TAMM41: variants seen among roughly 807,000 people sequenced by gnomAD.
TAMM41 encodes TAM41 mitochondrial translocator assembly and maintenance homolog.
TAMM41 carries 36 observed loss-of-function variants against 44.1 expected under a neutral mutation model. The ratio of observed to expected loss-of-function variants is 0.82; its 90% CI spans 0.63 to 1.08. TAMM41 has a LOEUF of 1.08. Among genes scored for constraint, TAMM41 ranks in the 50% least tolerant of loss-of-function variants. TAMM41 has a pLI of 0.00. For synonymous variants in TAMM41, 164 were observed against 153.1 expected (o/e 1.07, Z -0.53); for missense variants, 417 against 404.3 (o/e 1.03, Z -0.27).
chr3:11,754,685 C>T, the TAMM41 span, among the ~76,000 whole-genome samples: 1 of 149,592 alleles, frequency 6.7e-6, no homozygotes, highest in African/African-American at 2.5e-5. Flanking sequence ...CTCTTTTTAA[C>T]CTCTGAAACA....
chr3:11,798,436 G>A (rs562645157), intron 7 of TAMM41, among the ~76,000 whole-genome samples: 17 of 152,258 alleles, frequency 1.1e-4, no homozygotes, highest in African/African-American at 3.9e-4. Context: ...TTACAAGTAG[G>A]AGTTAAATGA....
chr3:11,752,156 C>T, the TAMM41 span, among the ~76,000 whole-genome samples: 1 of 152,068 alleles, frequency 6.6e-6, no homozygotes, highest in Non-Finnish European at 1.5e-5. Flanking sequence ...TGTTACAGCT[C>T]CTAAAGGTGG....
At chr3:11,809,747 C>T (rs1247340928) in intron 5 of TAMM41, 65 bp from the exon 6 acceptor site, 5 of 1,506,148 alleles carry the variant, frequency 3.3e-6, no homozygotes, top group Non-Finnish European at 4.5e-6. Flanking sequence ...TACTCCAAAA[C>T]TCAGGGCTTC....
intron 7 of TAMM41, among the ~76,000 whole-genome samples, chr3:11,802,605 C>A (rs1362153410): frequency 6.6e-6 from 1 of 152,172 alleles, no homozygotes; most frequent in Non-Finnish European, 1.5e-5. Context: ...GGAGTCACAG[C>A]TGAACTCTAC....
chr3:11,789,947 C>T (rs1439652742), downstream of TAMM41, among the ~76,000 whole-genome samples: 1 of 152,174 alleles, frequency 6.6e-6, no homozygotes, highest in East Asian at 1.9e-4. Flanking sequence ...CAAACACGTC[C>T]TAACTGTTAC....
chr3:11,794,694 C>T (rs1042025194), intron 7 of TAMM41, among the ~76,000 whole-genome samples: 1 of 152,146 alleles, frequency 6.6e-6, no homozygotes, highest in Non-Finnish European at 1.5e-5. Flanking sequence ...ACATGACCTA[C>T]AGCGAAGTTA....
the TAMM41 span, among the ~76,000 whole-genome samples, chr3:11,761,629 G>A: frequency 1.8e-4 from 28 of 152,168 alleles, no homozygotes; most frequent in African/African-American, 6.7e-4. Context: ...ATCTGTGCAC[G>A]TGCATGTGCG....
chr3:11,786,367 C>G (rs1034264047), downstream of TAMM41, among the ~76,000 whole-genome samples: 2 of 150,762 alleles, frequency 1.3e-5, no homozygotes, highest in Non-Finnish European at 2.9e-5. Context: ...TACAGTGGCA[C>G]GATCTTGGCT....
At chr3:11,771,247 T>G in the TAMM41 span, 9 of 152,180 alleles carry the variant, frequency 5.9e-5, no homozygotes, top group African/African-American at 2.2e-4. Context: ...GCTCACCTGG[T>G]GAGTCACCCT....
At chr3:11,755,591 G>A in the TAMM41 span, among the ~76,000 whole-genome samples, 1 of 152,076 alleles carries the variant, frequency 6.6e-6, no homozygotes, top group African/African-American at 2.4e-5. Flanking sequence ...ATTGTCGGGC[G>A]GGGATGTCCA....
chr3:11,734,132 C>T, the TAMM41 span, among the ~76,000 whole-genome samples: 73 of 152,326 alleles, frequency 4.8e-4, no homozygotes, highest in African/African-American at 1.6e-3. Flanking sequence ...ATCACCGGCT[C>T]TGTGCAAAGA....
chr3:11,826,530 C>CAAAA (rs11388352), intron 4 of TAMM41, among the ~76,000 whole-genome samples: 38 of 62,118 alleles, frequency 6.1e-4, no homozygotes, highest in African/African-American at 1.2e-3. Flanking sequence ...CCTTGTCTCT[C>CAAAA]AAAAAAAAAA....
the TAMM41 span, among the ~76,000 whole-genome samples, chr3:11,744,323 C>T: frequency 6.6e-6 from 1 of 152,102 alleles, no homozygotes; most frequent in East Asian, 2.0e-4. Flanking sequence ...CCATCTCGGC[C>T]TCCCAAAGAG....
At chr3:11,749,416 G>C in the TAMM41 span, among the ~76,000 whole-genome samples, 2 of 152,138 alleles carry the variant, frequency 1.3e-5, no homozygotes, top group African/African-American at 4.8e-5. Flanking sequence ...ACCAAAGCCT[G>C]TTTCCTGTGC....
At chr3:11,806,084 A>G (rs367579088) in intron 7 of TAMM41, among the ~76,000 whole-genome samples, 2 of 152,198 alleles carry the variant, frequency 1.3e-5, no homozygotes, top group Non-Finnish European at 1.5e-5. Flanking sequence ...ACCTTCCGCC[A>G]TGATTCTGAG....
At chr3:11,839,520 G>A (rs549788576) in intron 2 of TAMM41, among the ~76,000 whole-genome samples, 23 of 152,236 alleles carry the variant, frequency 1.5e-4, no homozygotes, top group African/African-American at 5.5e-4. Context: ...AGCCCCTAGG[G>A]TATGTAAGGG....
In TAMM41 at chr3:11,811,931, G is replaced by T. The variant is rs140812742; in HGVS notation, c.709-2249C>A. Among the ~76,000 whole-genome samples the T allele has an allele frequency of 5.9e-3, 901 of 152,214 alleles. 7 individuals carry two copies. Among genetic ancestry groups the T allele is most frequent in the African/African-American group, 0.021 (855 of 41,530 alleles). ...TATTCATCAATAAAGCTAATATTTT[G>T]TTATTATTATTTTTGAGACAGAGTC... On this transcript the variant is annotated intron_variant, in intron 5 of 7. Coordinates refer to ENST00000455809, the MANE Select transcript of TAMM41 (RefSeq NM_001284401.2).
intron 7 of TAMM41, among the ~76,000 whole-genome samples, chr3:11,794,507 G>A (rs1575602530): frequency 6.6e-6 from 1 of 152,276 alleles, no homozygotes; most frequent in East Asian, 1.9e-4. Context: ...TTCCCCAGTG[G>A]ATAAAAATGC....
At chr3:11,784,399 G>A in the TAMM41 span, among the ~76,000 whole-genome samples, 1 of 152,212 alleles carries the variant, frequency 6.6e-6, no homozygotes, top group Non-Finnish European at 1.5e-5. Context: ...GGAGGCTGAG[G>A]TGGGAGAATC....
Sources: gnomAD v4.1 joint callset for allele counts (sites outside exome capture counted in the v4.1 genomes callset) on GRCh38, gnomAD v4.1.1 for gene constraint, MANE v1.5 for transcripts, NCBI Gene and HGNC (gene_info 2026-07-23, HGNC 2026-07-21) for gene names.